LRCH4: variants seen among roughly 807,000 people sequenced by gnomAD.
LRCH4 encodes the protein leucine rich repeats and calponin homology domain containing 4, also known as leucine-rich repeat and calponin homology domain-containing protein 4.
A neutral mutation model predicts 81.2 loss-of-function variants in LRCH4; 56 were observed. The observed-to-expected ratio is 0.69, with a 90% CI of 0.56 to 0.86. The LOEUF is 0.86. Among genes scored for constraint, LRCH4 ranks in the 40% least tolerant of loss-of-function variants. The probability of loss-of-function intolerance (pLI) is 0.00; values close to 1 mark genes in which losing one functional copy is unlikely to be tolerated. For missense variants in LRCH4, 895 were observed against 922.8 expected (o/e 0.97, Z 0.39); for synonymous variants, 442 against 409.7 (o/e 1.08, Z -0.95).
Position 100,575,494 on chromosome 7 carries a change from G to A in LRCH4, c.1855-190C>T, listed in dbSNP as rs769604259. On this transcript the variant is annotated intron_variant, in intron 17 of 17. Transcript: ENST00000310300. The surrounding 1 kb of genome is among the most constrained non-coding windows in gnomAD (Gnocchi z 5.3). ...CATGTGCAGGACAGGTGACATGCAG[G>A]ACAAGATGGGGCCTGCAGGGCAGGG... The A allele has an allele frequency of 8.5e-6, 7 of 826,880 alleles. No individual in the cohort carries two copies. Among genetic ancestry groups the A allele is most frequent in the Admixed American group, 1.9e-5 (1 of 52,134 alleles). 51.2% of individuals were successfully genotyped at this position (826,880 alleles called of 1,614,324 possible).
chr7:100,585,842 T>C, intron 1 of LRCH4, 39 bp downstream of exon 1: 2 of 1,517,220 alleles, frequency 1.3e-6, no homozygotes, highest in Admixed American at 2.0e-5. Flanking sequence ...GCTATGCAAA[T>C]GAGGGACCCG....
intron 4 of LRCH4, 85 bp downstream of exon 4, chr7:100,581,692 G>T: frequency 9.0e-7 from 1 of 1,106,232 alleles, no homozygotes; most frequent in Non-Finnish European, 1.4e-6. Flanking sequence ...TAAGCTACCC[G>T]GTCTGCAGTG....
chr7:100,576,206 C>T, intron 15 of LRCH4, 32 bp downstream of exon 15: 1 of 1,606,234 alleles, frequency 6.2e-7, no homozygotes, highest in Non-Finnish European at 8.5e-7. Flanking sequence ...CCGGCCCAGG[C>T]CCCTGCCCAC....
At position 100,576,924 on chromosome 7, in the gene LRCH4, C is replaced by A. The variant is rs772152865; in HGVS notation, c.1446G>T (p.Glu482Asp). The change falls in exon 13 of 18, where the codon GAG (glutamate) becomes GAT (aspartate). Residue 482 changes from glutamate to aspartate, a missense_variant. Transcript: ENST00000310300. ...CACCTGGTCCAGCTATGGGAAGGGG[C>A]TCTTGGGAGGCAGGGGCAGGGGCGG... Reference protein sequence around the residue: ...GAPAPAPASQEPLPIAGPATA... With the variant: ...GAPAPAPASQDPLPIAGPATA... The A allele has an allele frequency of 5.1e-6, 8 of 1,563,068 alleles. No homozygotes were observed. The highest frequency in any genetic ancestry group is 6.1e-6 in the Non-Finnish European group (7 of 1,152,158).
rs1411786359 is a variant in LRCH4, at chr7:100,578,828, G to A, written c.599-42C>T. ...AGGGAAAAGTCAGGAACATGCTCAG[G>A]GCTGTGGCCTCGTGCTCACTCCCTC... On this transcript the variant is annotated intron_variant, in intron 4 of 17. Coordinates refer to ENST00000310300, the MANE Select transcript of LRCH4 (RefSeq NM_002319.5). The surrounding 1 kb of genome is among the most constrained non-coding windows in gnomAD (Gnocchi z 5.7). 3 of 1,598,504 alleles carry A rather than the reference G, an allele frequency of 1.9e-6. No individual in the cohort carries two copies. Among genetic ancestry groups the A allele is most frequent in the Non-Finnish European group, 2.6e-6 (3 of 1,171,808 alleles).
chr7:100,575,399 G>A lies in LRCH4; in HGVS notation c.1855-95C>T, dbSNP rs1305790694. Reference sequence around the variant, plus strand: ...CCCACCCCTGCCCTCACGTGCTGGGGCCAGAACCACGCCCACATGCTGACG... The same window carrying A: ...CCCACCCCTGCCCTCACGTGCTGGGACCAGAACCACGCCCACATGCTGACG... On this transcript the variant is annotated intron_variant, in intron 17 of 17. Coordinates refer to ENST00000310300, the MANE Select transcript of LRCH4 (RefSeq NM_002319.5). The surrounding 1 kb of genome is among the most constrained non-coding windows in gnomAD (Gnocchi z 5.3). 26 of 1,190,272 alleles carry A rather than the reference G, an allele frequency of 2.2e-5. No individual in the cohort carries two copies. The highest frequency in any genetic ancestry group is 3.0e-5 in the African/African-American group (2 of 66,554). The allele number at this position is 1,190,272 out of a possible 1,614,324, so 73.7% of individuals were successfully genotyped here.
rs775980238 is a variant in LRCH4 at position 100,577,317 on chromosome 7, C to T, written c.1251G>A (p.Arg417=). Residue 417 remains arginine, a synonymous_variant, in exon 11 of 18, where the codon CGG becomes CGA. Coordinates refer to ENST00000310300, the MANE Select transcript of LRCH4 (RefSeq NM_002319.5). The surrounding 1 kb of genome is among the most constrained non-coding windows in gnomAD (Gnocchi z 6.7). The part of the protein sequence containing the change: ...TLQLWQERER[R]QQQQSGAWGA... ...CCCACGCCCCGCTCTGCTGCTGCTG[C>T]CGCCGTTCCCGCTCCTGCCACAGCT... 6.3e-7 allele frequency: 1 copy of T among 1,597,102 alleles called. No individual in the cohort carries two copies. The highest frequency in any genetic ancestry group is 8.5e-7 in the Non-Finnish European group (1 of 1,178,192).
At position 100,575,071 on chromosome 7, in the gene LRCH4, G is replaced by A. The variant is rs754877049; in HGVS notation, c.*36C>T. 2.0e-5 allele frequency: 31 copies of A among 1,567,206 alleles called. No homozygotes were observed. The South Asian group carries it at 3.1e-4, about 16-fold the overall frequency. ...GAGCAGGGACCTTATAAATAGAGAG[G>A]AAGGGAAAGGGGTGAGGGAGGGCCG... is the stretch of plus-strand genomic sequence containing the variant. On this transcript the variant is annotated 3_prime_UTR_variant, in exon 18 of 18. Coordinates refer to ENST00000310300, the MANE Select transcript of LRCH4 (RefSeq NM_002319.5). This position sits in a 1 kb window ranked among gnomAD's most constrained non-coding sequence, Gnocchi z 5.3.
chr7:100,576,340 G>A lies in LRCH4; in HGVS notation c.1553-17C>T, dbSNP rs773889965. On this transcript the variant is annotated splice_polypyrimidine_tract_variant and intron_variant, in intron 14 of 17. Transcript: ENST00000310300. ...AGGAAGGGCCTAGGAGAAAAAGGGG[G>A]GCATGGGGCTGCCTCCACTGCTCAC... 6 of 1,595,582 alleles carry A rather than the reference G, an allele frequency of 3.8e-6. No homozygotes were observed. Among genetic ancestry groups the A allele is most frequent in the South Asian group, 3.3e-5 (3 of 90,594 alleles).
rs759899684 is a variant in LRCH4, at chr7:100,585,909, G to A, written c.192C>T (p.Ser64=). ...LKHFPRGAAR[S]YDLSDITQAD... ...CCTGGGTGATGTCTGACAGGTCGTA[G>A]CTACGGGCCGCGCCCCGGGGGAAGT... The change falls in exon 1 of 18, where the codon AGC becomes AGT. Residue 64 remains serine (S), a synonymous_variant. Transcript: ENST00000310300. 11 of 1,611,206 alleles carry A rather than the reference G, an allele frequency of 6.8e-6. No individual in the cohort carries two copies. Among genetic ancestry groups the A allele is most frequent in the South Asian group, 6.6e-5 (6 of 90,798 alleles).
Position 100,575,653 on chromosome 7 carries a change from AT to A in LRCH4, c.1854+51del. The A allele has an allele frequency of 6.2e-7, 1 of 1,600,250 alleles. No individual in the cohort carries two copies. The highest frequency in any genetic ancestry group is 8.6e-7 in the Non-Finnish European group (1 of 1,167,316). ...AATGGAAGCCCACCATCCATGCCAC[AT>A]GCTCGGCTGAGTCCGGCATGCCACC... On this transcript the variant is annotated intron_variant, in intron 17 of 17. Transcript: ENST00000310300. The surrounding 1 kb of genome is among the most constrained non-coding windows in gnomAD (Gnocchi z 5.3).
chr7:100,581,902 G>A lies in LRCH4; in HGVS notation c.493-20C>T, dbSNP rs1801571336. On this transcript the variant is annotated intron_variant, in intron 3 of 17. Coordinates refer to ENST00000310300, the MANE Select transcript of LRCH4 (RefSeq NM_002319.5). ...CACGTCCTGGTATCAGGAAGGCAGT[G>A]GGAAGGGGCCATGAGACCAGGCCCA... 1 of 1,613,346 alleles carries A rather than the reference G, an allele frequency of 6.2e-7. No individual in the cohort carries two copies. The highest frequency in any genetic ancestry group is 1.7e-5 in the Admixed American group (1 of 60,000).
At chr7:100,585,768 G>A (rs1801718018) in intron 1 of LRCH4, 113 bp downstream of exon 1, 4 of 1,181,974 alleles carry the variant, frequency 3.4e-6, no homozygotes, top group Non-Finnish European at 4.6e-6. Context: ...AGGAGGGGCA[G>A]CAACCCTGGC....
chr7:100,575,437 G>T lies in LRCH4; in HGVS notation c.1855-133C>A. 1 of 915,374 alleles carries T rather than the reference G, an allele frequency of 1.1e-6. No homozygotes were observed. Among genetic ancestry groups the T allele is most frequent in the South Asian group, 1.4e-5 (1 of 70,484 alleles). 56.7% of individuals were successfully genotyped at this position (915,374 alleles called of 1,614,324 possible). On this transcript the variant is annotated intron_variant, in intron 17 of 17. Coordinates refer to ENST00000310300, the MANE Select transcript of LRCH4 (RefSeq NM_002319.5). This position sits in a 1 kb window ranked among gnomAD's most constrained non-coding sequence, Gnocchi z 5.3. ...CCACATGCTGACGTGCTGGGCAGGGGGAGTGCAGTGCAGGAGGAGTGCAGG... is the reference window on the plus strand; with the variant it reads ...CCACATGCTGACGTGCTGGGCAGGGTGAGTGCAGTGCAGGAGGAGTGCAGG...
chr7:100,585,889 GTGATGTC>G lies in LRCH4; in HGVS notation c.205_211del (p.Asp69ProfsTer26). 5 of 1,606,002 alleles carry G rather than the reference GTGATGTC, an allele frequency of 3.1e-6. No individual in the cohort carries two copies. Among genetic ancestry groups the G allele is most frequent in the Non-Finnish European group, 4.3e-6 (5 of 1,175,048 alleles). ...GGCCCGGCTGCACTCACCAGCCTGG[GTGATGTC>G]TGACAGGTCGTAGCTACGGGCCGCG... is the stretch of plus-strand genomic sequence containing the variant. On this transcript the variant is annotated frameshift_variant, in exon 1 of 18. Transcript: ENST00000310300. LOFTEE classifies it high-confidence loss of function.
At chr7:100,576,182 A>G (rs1369201842) in intron 15 of LRCH4, 56 bp downstream of exon 15, 1 of 1,574,304 alleles carries the variant, frequency 6.4e-7, no homozygotes, top group Non-Finnish European at 8.7e-7. Flanking sequence ...AAGGACAGCA[A>G]CACAAGGAGG....
chr7:100,576,072 G>A (rs1333720590), intron 15 of LRCH4, 64 bp from the exon 16 acceptor site: 7 of 1,546,632 alleles, frequency 4.5e-6, no homozygotes, highest in Non-Finnish European at 6.1e-6. Context: ...GGCAGGGAGA[G>A]TGGGGGGCTC....
chr7:100,584,293 ACTTGGCCT>A (rs1801649184), intron 1 of LRCH4: 1 of 454,336 alleles, frequency 2.2e-6, no homozygotes, highest in African/African-American at 2.0e-5. Flanking sequence ...GAGGGACCCC[ACTTGGCCT>A]AGAACCTGGG....
chr7:100,582,178 G>A lies in LRCH4; in HGVS notation c.366-11C>T, dbSNP rs1297690256. 6.2e-7 allele frequency: 1 copy of A among 1,613,594 alleles called. No homozygotes were observed. Among genetic ancestry groups the A allele is most frequent in the Admixed American group, 1.7e-5 (1 of 59,998 alleles). ...GACAGCTGGTTTCGGCTGTGGAAGG[G>A]AGAAAGGCAGCGGACTGGCTCCCCA... On this transcript the variant is annotated splice_polypyrimidine_tract_variant and intron_variant, in intron 2 of 17. Transcript: ENST00000310300. The surrounding 1 kb of genome is among the most constrained non-coding windows in gnomAD (Gnocchi z 5.0).
Sources: allele counts gnomAD v4.1 joint callset, GRCh38; gene constraint gnomAD v4.1.1; non-coding constraint Gnocchi (gnomAD v3.1); transcripts MANE v1.5; gene names NCBI Gene and HGNC (gene_info 2026-07-23, HGNC 2026-07-21).